CTNNA2: variants seen among roughly 807,000 people sequenced by gnomAD.
The protein encoded by CTNNA2 is catenin alpha-2.
Under a neutral mutation model 101.0 loss-of-function variants are expected in CTNNA2, and 42 were observed. The observed-to-expected ratio is 0.42, with a 90% CI of 0.32 to 0.54. CTNNA2 has a LOEUF of 0.54. Ranked by LOEUF, CTNNA2 falls within the 20% of genes least tolerant of loss-of-function variation. The probability of loss-of-function intolerance (pLI) is 0.14; values close to 1 mark genes in which losing one functional copy is unlikely to be tolerated. For synonymous variants in CTNNA2, 450 were observed against 456.4 expected, an observed-to-expected ratio of 0.99 and a Z score of 0.18; for missense variants, 871 against 1,223.1, an observed-to-expected ratio of 0.71 and a Z score of 4.29.
chr2:79,545,777 CT>C (rs1301508635), intron 1 of CTNNA2, among the ~76,000 whole-genome samples: 1 of 152,084 alleles, frequency 6.6e-6, no homozygotes, highest in African/African-American at 2.4e-5. Context: ...TAAAAGCTTA[CT>C]TTTTTATGCT....
intron 3 of CTNNA2, among the ~76,000 whole-genome samples, chr2:79,746,655 T>A (rs1469045958): frequency 6.6e-6 from 1 of 152,226 alleles, no homozygotes; most frequent in African/African-American, 2.4e-5. Flanking sequence ...CTTCCTGTCT[T>A]AGTTATTTAA....
At chr2:80,451,193 A>G (rs927419710) in intron 9 of CTNNA2, among the ~76,000 whole-genome samples, 6 of 151,952 alleles carry the variant, frequency 3.9e-5, no homozygotes, top group African/African-American at 1.2e-4. Flanking sequence ...CTCATTTTGA[A>G]TTGTATTTCC....
In CTNNA2 at chr2:79,732,968, T is replaced by G. The variant is rs532460060; in HGVS notation, c.103-11419T>G. 4.6e-5 allele frequency among the ~76,000 whole-genome samples: 7 copies of G among 152,150 alleles called. 1 individual carries two copies. Among genetic ancestry groups the G allele is most frequent in the Non-Finnish European group, 1.5e-5 (1 of 67,984 alleles). ...ATTGAGAAGAACACACAGCACTCACTGATGCTCACATTTCATTGGCTAGAA... is the reference window on the plus strand; with the variant it reads ...ATTGAGAAGAACACACAGCACTCACGGATGCTCACATTTCATTGGCTAGAA... On this transcript the variant is annotated intron_variant, in intron 2 of 18. Transcript: ENST00000402739.
chr2:79,835,354 A>G lies in CTNNA2; in HGVS notation c.299-22659A>G, dbSNP rs555802391. ...TATTTTAAATAGCAATGAAATGTGCATGTAGAATCAGTCAGCTAATATAGG... is the reference window on the plus strand; with the variant it reads ...TATTTTAAATAGCAATGAAATGTGCGTGTAGAATCAGTCAGCTAATATAGG... On this transcript the variant is annotated intron_variant, in intron 3 of 18. Coordinates refer to ENST00000402739, the MANE Select transcript of CTNNA2 (RefSeq NM_001282597.3). 4.5e-4 allele frequency among the ~76,000 whole-genome samples: 69 copies of G among 152,336 alleles called. No individual in the cohort carries two copies. In the South Asian group the frequency reaches 4.6e-3, roughly 10 times the overall value.
At chr2:79,291,835 T>G (rs1675826578) in intron 2 of CTNNA2, among the ~76,000 whole-genome samples, 1 of 152,204 alleles carries the variant, frequency 6.6e-6, no homozygotes, top group African/African-American at 2.4e-5. Context: ...ACATACATAT[T>G]CAGAAAGAAA....
rs59273547 is a variant in CTNNA2 at position 79,730,454 on chromosome 2, A to AT, written c.103-13924dup. 9.5e-3 allele frequency among the ~76,000 whole-genome samples: 1,433 copies of AT among 151,382 alleles called. 28 individuals are homozygous for AT. The highest frequency in any genetic ancestry group is 0.032 in the African/African-American group (1,322 of 41,296). The stretch of plus-strand genomic sequence containing the variant: ...TGTTTTTATATATGCTAATGGAGAG[A>AT]TTTTTTTTTCTTAGAACTTAGTAGG... On this transcript the variant is annotated intron_variant, in intron 2 of 18. Coordinates refer to ENST00000402739, the MANE Select transcript of CTNNA2 (RefSeq NM_001282597.3).
Position 79,247,243 on chromosome 2 carries a change from C to T in CTNNA2, c.-406+49167C>T, listed in dbSNP as rs1356282515. ...CTAGTTTCTCCCCCAGCCCAACATG[C>T]ATTGTGGAATTCTTTTCCTTACTTT... is the stretch of plus-strand genomic sequence containing the variant. On this transcript the variant is annotated intron_variant, in intron 2 of 21. Transcript: ENST00000466387. 2.6e-5 allele frequency among the ~76,000 whole-genome samples: 4 copies of T among 152,206 alleles called. No homozygotes were observed. The East Asian group carries it at 7.7e-4, about 29-fold the overall frequency.
chr2:80,389,916 C>T (rs774720904), intron 7 of CTNNA2, among the ~76,000 whole-genome samples: 13 of 152,066 alleles, frequency 8.5e-5, no homozygotes, highest in South Asian at 4.2e-4. Flanking sequence ...AAACAGAATC[C>T]GGACAAGAGT....
intron 1 of CTNNA2, among the ~76,000 whole-genome samples, chr2:79,596,814 C>T (rs972344327): frequency 2.0e-5 from 3 of 152,218 alleles, no homozygotes; most frequent in African/African-American, 7.2e-5. Flanking sequence ...TGACCTACAG[C>T]TAGTATCCTA....
chr2:80,138,542 T>C (rs1164101082), intron 7 of CTNNA2, among the ~76,000 whole-genome samples: 1 of 152,132 alleles, frequency 6.6e-6, no homozygotes, highest in Non-Finnish European at 1.5e-5. Context: ...GTGAGCTTCT[T>C]GAGAACAGGT....
At chr2:80,643,254 T>C (rs1673682605) in intron 18 of CTNNA2, among the ~76,000 whole-genome samples, 1 of 152,004 alleles carries the variant, frequency 6.6e-6, no homozygotes, top group Non-Finnish European at 1.5e-5. Context: ...CATGGAGGAA[T>C]GGTAAGATCA....
intron 7 of CTNNA2, among the ~76,000 whole-genome samples, chr2:80,198,239 A>G (rs1706964890): frequency 6.6e-6 from 1 of 152,166 alleles, no homozygotes. Context: ...TCAGGAAGTG[A>G]GCTCACCAGT....
intron 3 of CTNNA2, among the ~76,000 whole-genome samples, chr2:79,827,785 G>T (rs1252980723): frequency 6.6e-6 from 1 of 152,126 alleles, no homozygotes; most frequent in Non-Finnish European, 1.5e-5. Context: ...AAAAGAAAAA[G>T]GATTTGGAAT....
chr2:79,477,970 C>A (rs550620794), intron 4 of CTNNA2, among the ~76,000 whole-genome samples: 2 of 152,326 alleles, frequency 1.3e-5, no homozygotes, highest in East Asian at 3.9e-4. Flanking sequence ...TGGAAATCCA[C>A]AAATTTCAAG....
chr2:80,590,917 C>T (rs1204784213), intron 15 of CTNNA2, among the ~76,000 whole-genome samples: 3 of 152,124 alleles, frequency 2.0e-5, no homozygotes, highest in Non-Finnish European at 4.4e-5. Flanking sequence ...ATTATGGCAG[C>T]CTCAGTCACT....
intron 1 of CTNNA2, among the ~76,000 whole-genome samples, chr2:79,558,056 C>T (rs1375030905): frequency 6.6e-6 from 1 of 151,920 alleles, no homozygotes; most frequent in Non-Finnish European, 1.5e-5. Flanking sequence ...AGAGACACTT[C>T]CATGTTTTAG....
intron 7 of CTNNA2, among the ~76,000 whole-genome samples, chr2:80,080,948 TAAAA>T (rs79785271): frequency 2.1e-4 from 18 of 87,558 alleles, no homozygotes; most frequent in Admixed American, 2.0e-3. Context: ...TTCTCCCACT[TAAAA>T]AAAAAAAAAA....
At chr2:80,025,581 G>A (rs1050415442) in intron 7 of CTNNA2, among the ~76,000 whole-genome samples, 2 of 152,210 alleles carry the variant, frequency 1.3e-5, no homozygotes, top group Non-Finnish European at 2.9e-5. Context: ...TATGGTGTGT[G>A]CTCAGGGAAC....
intron 7 of CTNNA2, among the ~76,000 whole-genome samples, chr2:79,990,145 G>A (rs1400232714): frequency 1.3e-5 from 2 of 152,138 alleles, no homozygotes; most frequent in Non-Finnish European, 2.9e-5. Flanking sequence ...ACAACAAGGG[G>A]ATGGCAGGTA....
Sources: allele counts gnomAD v4.1 joint callset (sites outside exome capture counted in the v4.1 genomes callset), GRCh38; gene constraint gnomAD v4.1.1; transcripts MANE v1.5; gene names NCBI Gene and HGNC (gene_info 2026-07-23, HGNC 2026-07-21).